SCARA3: variants seen among roughly 807,000 people sequenced by gnomAD.
The protein encoded by SCARA3 is cellular stress response gene protein.
A neutral mutation model predicts 47.0 loss-of-function variants in SCARA3; 39 were observed. That is an observed-to-expected ratio of 0.83 (90% CI 0.64 to 1.08). SCARA3 has a LOEUF of 1.08. Ranked by LOEUF, SCARA3 falls within the 50% of genes least tolerant of loss-of-function variation. The probability of loss-of-function intolerance (pLI) is 0.00; values close to 1 mark genes in which losing one functional copy is unlikely to be tolerated. For synonymous variants in SCARA3, 356 were observed against 334.1 expected (o/e 1.07, Z -0.71); for missense variants, 724 against 792.3 (o/e 0.91, Z 1.04).
intron 1 of SCARA3, among the ~76,000 whole-genome samples, chr8:27,644,231 G>A (rs1051426800): frequency 1.2e-4 from 19 of 152,206 alleles, no homozygotes; most frequent in Non-Finnish European, 2.6e-4. Context: ...CCTTGGCCTT[G>A]GCCTTCCCAG....
downstream of SCARA3, among the ~76,000 whole-genome samples, chr8:27,673,525 G>GT (rs1409917339): frequency 6.6e-6 from 1 of 152,190 alleles, no homozygotes; most frequent in African/African-American, 2.4e-5. Context: ...CTGGAGCCCT[G>GT]TTTTTTGGGT....
chr8:27,678,564 C>T (rs1300047140), downstream of SCARA3, among the ~76,000 whole-genome samples: 2 of 152,126 alleles, frequency 1.3e-5, no homozygotes, highest in African/African-American at 2.4e-5. Context: ...CAAAACAACT[C>T]CACACCCAAA....
rs1470084347 is a variant in SCARA3, at chr8:27,671,436, C to G, written c.*85C>G. 1 of 1,331,498 alleles carries G rather than the reference C, an allele frequency of 7.5e-7. No individual in the cohort carries two copies. Among genetic ancestry groups the G allele is most frequent in the Non-Finnish European group, 9.6e-7 (1 of 1,046,742 alleles). The allele number at this position is 1,331,498 out of a possible 1,614,324, so 82.5% of individuals were successfully genotyped here. A position where few individuals can be genotyped will look rare whatever the true frequency, so the allele number is the denominator to read the frequency against. ...GGCCCCAGAAAGCCTCACCTACAGA[C>G]AGCTGTGGTCCTCTGATTCCAATGA... On this transcript the variant is annotated 3_prime_UTR_variant, in exon 6 of 6. Coordinates refer to ENST00000301904, the MANE Select transcript of SCARA3 (RefSeq NM_016240.3).
At position 27,671,376 on chromosome 8, in the gene SCARA3, C is replaced by T. The variant is rs1802152445; in HGVS notation, c.*25C>T. 1 of 1,394,266 alleles carries T rather than the reference C, an allele frequency of 7.2e-7. No homozygotes were observed. The highest frequency in any genetic ancestry group is 9.3e-7 in the Non-Finnish European group (1 of 1,078,440). The allele number at this position is 1,394,266 out of a possible 1,614,324, so 86.4% of individuals were successfully genotyped here. ...AGGAGGGCTGTGGCAGAGCCACTGT[C>T]ACACAGAATGCCGGAGGGGCGCAGA... On this transcript the variant is annotated 3_prime_UTR_variant, in exon 6 of 6. Coordinates refer to ENST00000301904, the MANE Select transcript of SCARA3 (RefSeq NM_016240.3).
intron 5 of SCARA3, among the ~76,000 whole-genome samples, chr8:27,662,978 T>C (rs1402313719): frequency 2.0e-5 from 3 of 152,230 alleles, no homozygotes. Flanking sequence ...GATGCAAATA[T>C]CTTCAGTATT....
the SCARA3 span, among the ~76,000 whole-genome samples, chr8:27,704,113 A>G: frequency 6.6e-6 from 1 of 151,914 alleles, no homozygotes; most frequent in Non-Finnish European, 1.5e-5. Context: ...GCTAAAGGAA[A>G]GGAGTGAAAG....
At chr8:27,663,547 G>C (rs1472888582) in intron 5 of SCARA3, among the ~76,000 whole-genome samples, 1 of 152,224 alleles carries the variant, frequency 6.6e-6, no homozygotes, top group Non-Finnish European at 1.5e-5. Context: ...TAGTGGATCA[G>C]CTACCACCCA....
Position 27,649,764 on chromosome 8 carries a change from G to C in SCARA3, c.70G>C (p.Asp24His), listed in dbSNP as rs200076090. ...CVTEEDLAGD[D>H]EDMPTFPCTQ... ...TACAGAAGAGGACCTGGCGGGTGAC[G>C]ACGAGGACATGCCGACCTTCCCATG... is the stretch of plus-strand genomic sequence containing the variant. The change falls in exon 2 of 6, where the codon GAC (aspartate) becomes CAC (histidine). Residue 24 changes from aspartate to histidine, a missense_variant. By Grantham distance (81) the Asp-to-His change is moderately conservative. Coordinates refer to ENST00000301904, the MANE Select transcript of SCARA3 (RefSeq NM_016240.3). The C allele has an allele frequency of 2.5e-6, 4 of 1,614,016 alleles. No individual in the cohort carries two copies. In the African/African-American group the frequency reaches 5.3e-5, roughly 22 times the overall value.
At chr8:27,696,462 T>C in the SCARA3 span, among the ~76,000 whole-genome samples, 3 of 152,144 alleles carry the variant, frequency 2.0e-5, no homozygotes, top group Non-Finnish European at 4.4e-5. Flanking sequence ...GTTTTGCTTT[T>C]AAATTTTTTT....
At chr8:27,726,353 C>T in the SCARA3 span, among the ~76,000 whole-genome samples, 133 of 152,280 alleles carry the variant, frequency 8.7e-4, no homozygotes, top group African/African-American at 3.0e-3. Context: ...CTGCAGTGAG[C>T]TATGATTGCG....
At chr8:27,634,643 G>C (rs1293785143) in intron 1 of SCARA3, among the ~76,000 whole-genome samples, 1 of 151,976 alleles carries the variant, frequency 6.6e-6, no homozygotes, top group African/African-American at 2.4e-5. Flanking sequence ...TCTCCCCCAG[G>C]ACCTCCAGCC....
At chr8:27,685,777 T>G in the SCARA3 span, among the ~76,000 whole-genome samples, 2 of 152,146 alleles carry the variant, frequency 1.3e-5, no homozygotes, top group Non-Finnish European at 2.9e-5. Context: ...TCACCCTACG[T>G]GTAATCAAGC....
the SCARA3 span, among the ~76,000 whole-genome samples, chr8:27,723,980 C>T: frequency 4.6e-5 from 7 of 152,228 alleles, no homozygotes; most frequent in Non-Finnish European, 1.0e-4. Context: ...AAGTGATCCA[C>T]CCGCCTCAGC....
the SCARA3 span, among the ~76,000 whole-genome samples, chr8:27,716,322 T>TA: frequency 2.0e-5 from 3 of 151,278 alleles, no homozygotes; most frequent in Admixed American, 6.6e-5. Flanking sequence ...TAAATATCTC[T>TA]TTATATATAT....
chr8:27,658,385 G>A, intron 4 of SCARA3, 111 bp from the exon 5 acceptor site: 1 of 958,010 alleles, frequency 1.0e-6, no homozygotes, highest in Non-Finnish European at 1.5e-6. Flanking sequence ...GAAGGAAGTT[G>A]GTTTGGGAAG....
At chr8:27,676,629 A>G (rs1378763417), downstream of SCARA3, 1 of 1,287,004 alleles carries the variant, frequency 7.8e-7, no homozygotes, top group African/African-American at 1.5e-5. Context: ...GCCCAGGATG[A>G]CCAAGAATAT....
the SCARA3 span, among the ~76,000 whole-genome samples, chr8:27,707,822 A>AAAG: frequency 1.7e-3 from 5 of 3,028 alleles, no homozygotes; most frequent in African/African-American, 1.7e-3. Flanking sequence ...AAAAACTTCC[A>AAAG]AAAAAAAAAA....
rs914811695 is a variant in SCARA3 at position 27,634,105 on chromosome 8, G to C, written c.-96G>C. Reference sequence around the variant, plus strand: ...ACGGCCGCGGGCGGCGCCTAGGACGGCGATCCGCGCCCTGGAGGATCCGCC... The same window carrying C: ...ACGGCCGCGGGCGGCGCCTAGGACGCCGATCCGCGCCCTGGAGGATCCGCC... On this transcript the variant is annotated 5_prime_UTR_variant, in exon 1 of 6. Transcript: ENST00000301904. The C allele has an allele frequency of 8.1e-7, 1 of 1,231,994 alleles. No individual in the cohort carries two copies. Among genetic ancestry groups the C allele is most frequent in the Non-Finnish European group, 1.1e-6 (1 of 948,178 alleles). 76.3% of individuals were successfully genotyped at this position (1,231,994 alleles called of 1,614,324 possible).
Position 27,671,529 on chromosome 8 carries a change from C to A in SCARA3, c.*178C>A. ...TAGTGACTGTGCCATAGGAAAGCAG[C>A]CCCTCCTCACACATACATGTGCACA... On this transcript the variant is annotated 3_prime_UTR_variant, in exon 6 of 6. Transcript: ENST00000301904. 2 of 1,288,692 alleles carry A rather than the reference C, an allele frequency of 1.6e-6. No individual in the cohort carries two copies. The highest frequency in any genetic ancestry group is 2.0e-6 in the Non-Finnish European group (2 of 1,023,338). 79.8% of individuals were successfully genotyped at this position (1,288,692 alleles called of 1,614,324 possible). A position where few individuals can be genotyped will look rare whatever the true frequency, so the allele number is the denominator to read the frequency against.
Sources: allele counts gnomAD v4.1 joint callset (sites outside exome capture counted in the v4.1 genomes callset), GRCh38; gene constraint gnomAD v4.1.1; transcripts MANE v1.5; gene names NCBI Gene and HGNC (gene_info 2026-07-23, HGNC 2026-07-21).